DISC1: variants seen among roughly 807,000 people sequenced by gnomAD.
DISC1 encodes the protein disrupted in schizophrenia 1 protein.
A neutral mutation model predicts 84.5 loss-of-function variants in DISC1; 57 were observed. The observed-to-expected ratio is 0.67, with a 90% confidence interval of 0.55 to 0.84. The LOEUF is 0.84. Ranked by LOEUF, DISC1 falls within the 40% of genes least tolerant of loss-of-function variation. The probability of loss-of-function intolerance (pLI) is 0.00; values close to 1 mark genes in which losing one functional copy is unlikely to be tolerated. For synonymous variants in DISC1, 411 were observed against 415.2 expected, an observed-to-expected ratio of 0.99 and a Z score of 0.12; for missense variants, 1,000 against 1,057.8, an observed-to-expected ratio of 0.95 and a Z score of 0.76.
intron 1 of DISC1, among the ~76,000 whole-genome samples, chr1:231,670,022 C>G (rs372903171): frequency 1.3e-5 from 2 of 152,098 alleles, no homozygotes; most frequent in African/African-American, 4.8e-5. Context: ...ACATATATAC[C>G]ATGGAATACT....
chr1:232,009,474 T>TGC lies in DISC1; in HGVS notation c.2307+425_2307+426insGC. On this transcript the variant is annotated intron_variant, in intron 11 of 12. Coordinates refer to ENST00000439617, the MANE Select transcript of DISC1 (RefSeq NM_018662.3). This position sits in a 1 kb window ranked among gnomAD's most constrained non-coding sequence, Gnocchi z 4.6. ...ATATGATGTTTATATATTTAGAATC[T>TGC]ATATATTACAATATATTATTATTTA... 1 of 614,446 alleles carries TGC rather than the reference T, an allele frequency of 1.6e-6. No homozygotes were observed. The highest frequency in any genetic ancestry group is 2.0e-6 in the Non-Finnish European group (1 of 493,072). The allele number at this position is 614,446 out of a possible 1,614,324, so 38.1% of individuals were successfully genotyped here.
At chr1:231,782,303 A>T (rs1236573949) in intron 6 of DISC1, among the ~76,000 whole-genome samples, 1 of 152,046 alleles carries the variant, frequency 6.6e-6, no homozygotes, top group Admixed American at 6.5e-5. Context: ...TGCCTTTCTT[A>T]TCCAATAAAG....
intron 9 of DISC1, among the ~76,000 whole-genome samples, chr1:231,868,924 A>G (rs190435770): frequency 8.5e-4 from 126 of 148,652 alleles, no homozygotes; most frequent in Admixed American, 1.4e-3. Context: ...CCGGTTATAC[A>G]TTTTTGAGAG....
At chr1:231,886,188 C>T (rs563307968) in intron 9 of DISC1, among the ~76,000 whole-genome samples, 1 of 152,298 alleles carries the variant, frequency 6.6e-6, no homozygotes, top group Admixed American at 6.5e-5. Context: ...CTAACACTGC[C>T]ACATTGGGGA....
chr1:232,033,018 A>G (rs1430937168), intron 12 of DISC1, among the ~76,000 whole-genome samples: 1 of 151,960 alleles, frequency 6.6e-6, no homozygotes, highest in Non-Finnish European at 1.5e-5. Context: ...CTTTTTTTTA[A>G]TTTATGGTTC....
intron 3 of DISC1, among the ~76,000 whole-genome samples, chr1:231,719,332 G>A (rs1487497727): frequency 6.6e-6 from 1 of 152,222 alleles, no homozygotes; most frequent in East Asian, 1.9e-4. Context: ...AGCCTCTCAA[G>A]AAGTGGTTGT....
chr1:231,762,190 TTTCTTTTCTTTTCTTTTCTTTTCTC>T lies in DISC1; in HGVS notation c.1269-4925_1269-4901del, dbSNP rs1285484965. 8.1e-5 allele frequency among the ~76,000 whole-genome samples: 10 copies of T among 123,668 alleles called. No homozygotes were observed. The East Asian group carries it at 1.8e-3, about 23-fold the overall frequency. 81.1% of individuals were successfully genotyped at this position (123,668 alleles called of 152,430 possible). A position where few individuals can be genotyped will look rare whatever the true frequency, so the allele number is the denominator to read the frequency against. ...TTCTTTCCCTTCCTTCCTTCTTTTC[TTTCTTTTCTTTTCTTTTCTTTTCTC>T]TTCTTTTCTTTTCTTTTCTTTTCTT... On this transcript the variant is annotated intron_variant, in intron 4 of 12. Coordinates refer to ENST00000439617, the MANE Select transcript of DISC1 (RefSeq NM_018662.3).
chr1:231,800,756 T>C (rs982444688), intron 8 of DISC1, among the ~76,000 whole-genome samples: 1 of 152,150 alleles, frequency 6.6e-6, no homozygotes, highest in Non-Finnish European at 1.5e-5. Context: ...CTGGATTTGT[T>C]ATTTTATTTT....
intron 9 of DISC1, chr1:231,866,583 A>C: frequency 1.6e-6 from 2 of 1,281,404 alleles, no homozygotes; most frequent in Non-Finnish European, 2.3e-6. Context: ...GCCTGAGGAC[A>C]GCCTGCAGGA....
In DISC1 at chr1:231,659,296, T is replaced by G. The variant is rs181806127; in HGVS notation, c.67+32362T>G. 1.8e-4 allele frequency among the ~76,000 whole-genome samples: 28 copies of G among 152,218 alleles called. No individual in the cohort carries two copies. In the East Asian group the frequency reaches 5.4e-3, roughly 29 times the overall value. On this transcript the variant is annotated intron_variant, in intron 1 of 12. Transcript: ENST00000439617. ...GGTGTTTACAGTATTTTCTGATGGT[T>G]GTTTGTATTTCTGTGGGGTTAGTGG...
intron 4 of DISC1, among the ~76,000 whole-genome samples, chr1:231,762,213 CTCTTCTTTTCTT>C (rs1200867739): frequency 0.5 from 43,473 of 87,092 alleles, 9,620 homozygotes; most frequent in Non-Finnish European, 0.58. Context: ...CTTTTCTTTT[CTCTTCTTTTCTT>C]TTCTTTTCTT....
At chr1:231,855,001 C>G (rs1314295654) in intron 9 of DISC1, 62 of 1,120,330 alleles carry the variant, frequency 5.5e-5, no homozygotes, top group Non-Finnish European at 6.7e-5. Flanking sequence ...CAGACATGAG[C>G]CACTGTGCCT....
chr1:231,822,622 T>C lies in DISC1; in HGVS notation c.1981+4105T>C, dbSNP rs73119182. Reference sequence around the variant, plus strand: ...AGTCTCACAATTTTTGAGCTTGAAATAGCTAATGAAAGGAAGCATGAGTGT... The same window carrying C: ...AGTCTCACAATTTTTGAGCTTGAAACAGCTAATGAAAGGAAGCATGAGTGT... On this transcript the variant is annotated intron_variant, in intron 9 of 12. Coordinates refer to ENST00000439617, the MANE Select transcript of DISC1 (RefSeq NM_018662.3). 8.6e-3 allele frequency among the ~76,000 whole-genome samples: 1,304 copies of C among 152,272 alleles called. 22 individuals carry two copies. Among genetic ancestry groups the C allele is most frequent in the African/African-American group, 0.03 (1,266 of 41,532 alleles).
chr1:231,819,616 A>C (rs1446969855), intron 9 of DISC1, among the ~76,000 whole-genome samples: 1 of 152,110 alleles, frequency 6.6e-6, no homozygotes, highest in Non-Finnish European at 1.5e-5. Flanking sequence ...CCGTATATGT[A>C]ACTAGAGACA....
chr1:231,862,334 C>T (rs2084734061), intron 9 of DISC1, among the ~76,000 whole-genome samples: 1 of 152,174 alleles, frequency 6.6e-6, no homozygotes, highest in African/African-American at 2.4e-5. Context: ...CTCATGGCAA[C>T]TGTTTCCCAT....
chr1:231,738,745 A>G (rs1304118082), intron 3 of DISC1, among the ~76,000 whole-genome samples: 1 of 152,148 alleles, frequency 6.6e-6, no homozygotes, highest in Non-Finnish European at 1.5e-5. Flanking sequence ...CCATTTCATC[A>G]TTCATTTCCA....
chr1:231,721,466 G>A (rs2069688445), intron 3 of DISC1, among the ~76,000 whole-genome samples: 1 of 152,168 alleles, frequency 6.6e-6, no homozygotes, highest in Admixed American at 6.5e-5. Flanking sequence ...GCATATTTAT[G>A]AAATCAGATA....
chr1:231,653,755 A>G (rs770473363), intron 1 of DISC1, among the ~76,000 whole-genome samples: 1 of 152,144 alleles, frequency 6.6e-6, no homozygotes, highest in Non-Finnish European at 1.5e-5. Flanking sequence ...ACTGTTCAGG[A>G]TCTCTGGGTG....
At chr1:231,756,502 G>A (rs936536737) in intron 4 of DISC1, among the ~76,000 whole-genome samples, 2 of 142,524 alleles carry the variant, frequency 1.4e-5, no homozygotes, top group Non-Finnish European at 3.0e-5. Flanking sequence ...GTTCACAAAC[G>A]TATATGTGAA....
Sources: allele counts gnomAD v4.1 joint callset (sites outside exome capture counted in the v4.1 genomes callset), GRCh38; gene constraint gnomAD v4.1.1; non-coding constraint Gnocchi (gnomAD v3.1); transcripts MANE v1.5; gene names NCBI Gene and HGNC (gene_info 2026-07-23, HGNC 2026-07-21).